VAV3: variants seen among roughly 807,000 people sequenced by gnomAD.
The protein encoded by VAV3 is guanine nucleotide exchange factor VAV3.
Under a neutral mutation model 131.2 loss-of-function variants are expected in VAV3, and 94 were observed. That is an observed-to-expected ratio of 0.72 (90% confidence interval 0.61 to 0.85). VAV3 has a LOEUF of 0.85. Among genes scored for constraint, VAV3 ranks in the 40% least tolerant of loss-of-function variants. The pLI, the probability that VAV3 is intolerant of heterozygous loss-of-function variation, is 0.00. For synonymous variants in VAV3, 349 were observed against 342.0 expected (o/e 1.02, Z -0.22); for missense variants, 939 against 1,002.7 (o/e 0.94, Z 0.86).
chr1:107,682,567 A>C (rs1276995794), intron 19 of VAV3, among the ~76,000 whole-genome samples: 2 of 152,138 alleles, frequency 1.3e-5, no homozygotes, highest in South Asian at 2.1e-4. Context: ...CAAGTGAGGC[A>C]ATTTCTAGCC....
intron 19 of VAV3, among the ~76,000 whole-genome samples, chr1:107,650,815 G>GT (rs1238575258): frequency 4.0e-5 from 6 of 149,120 alleles, no homozygotes; most frequent in South Asian, 2.1e-4. Flanking sequence ...GCGGTGTTTG[G>GT]TTTTTTGTCC....
intron 15 of VAV3, among the ~76,000 whole-genome samples, chr1:107,720,224 A>C (rs985996250): frequency 3.3e-5 from 5 of 151,814 alleles, no homozygotes; most frequent in Admixed American, 6.6e-5. Context: ...AAATAAAAAT[A>C]AATAAAAAAT....
intron 15 of VAV3, among the ~76,000 whole-genome samples, chr1:107,717,856 T>A (rs1661213175): frequency 6.6e-6 from 1 of 152,328 alleles, no homozygotes; most frequent in African/African-American, 2.4e-5. Context: ...TTTCCCATTA[T>A]TATTGTGTGG....
intron 19 of VAV3, among the ~76,000 whole-genome samples, chr1:107,678,897 A>G (rs1658407902): frequency 6.6e-6 from 1 of 152,084 alleles, no homozygotes; most frequent in Non-Finnish European, 1.5e-5. Context: ...TACGTAATAA[A>G]TCTGCACAAA....
At chr1:107,767,426 G>T (rs1664796499) in intron 7 of VAV3, among the ~76,000 whole-genome samples, 1 of 152,104 alleles carries the variant, frequency 6.6e-6, no homozygotes, top group Non-Finnish European at 1.5e-5. Flanking sequence ...GAAGATGTGG[G>T]CTCTAAGTTA....
At position 107,964,901 on chromosome 1, in the gene VAV3, G is replaced by A. The variant is rs754832840; in HGVS notation, c.-32C>T. Reference sequence around the variant, plus strand: ...CGGCTCCGGGACGCGGCTGGGCCGGGGCGGGCGGCAAGGATGCGGCCGCCG... The same window carrying A: ...CGGCTCCGGGACGCGGCTGGGCCGGAGCGGGCGGCAAGGATGCGGCCGCCG... On this transcript the variant is annotated 5_prime_UTR_variant, in exon 1 of 27. Coordinates refer to ENST00000370056, the MANE Select transcript of VAV3 (RefSeq NM_006113.5). The A allele has an allele frequency of 2.1e-5, 28 of 1,346,944 alleles. No homozygotes were observed. The highest frequency in any genetic ancestry group is 2.4e-5 in the Non-Finnish European group (25 of 1,038,690). The allele number at this position is 1,346,944 out of a possible 1,614,324, so 83.4% of individuals were successfully genotyped here.
chr1:107,906,049 T>G (rs528845131), intron 1 of VAV3, among the ~76,000 whole-genome samples: 1 of 152,180 alleles, frequency 6.6e-6, no homozygotes, highest in African/African-American at 2.4e-5. Flanking sequence ...AAAAGAAAAA[T>G]CTCCTAAATT....
rs908456348 is a variant in VAV3, at chr1:107,888,190, T to C, written c.205-13173A>G. Among the ~76,000 whole-genome samples the C allele has an allele frequency of 4.6e-5, 7 of 152,194 alleles. 1 individual carries two copies. The highest frequency in any genetic ancestry group is 1.4e-4 in the African/African-American group (6 of 41,452). The stretch of plus-strand genomic sequence containing the variant: ...ACCCCACACTGTGATATCTTCTTTA[T>C]TGAAAGAGGTAATCTGTAGTGCAAC... On this transcript the variant is annotated intron_variant, in intron 1 of 26. Transcript: ENST00000370056.
intron 2 of VAV3, among the ~76,000 whole-genome samples, chr1:107,845,060 G>A (rs768899051): frequency 1.6e-4 from 24 of 152,268 alleles, no homozygotes; most frequent in African/African-American, 2.6e-4. Flanking sequence ...GGAGAGCTCC[G>A]GCTGGCATCT....
intron 1 of VAV3, among the ~76,000 whole-genome samples, chr1:107,940,952 G>A (rs888757915): frequency 6.6e-6 from 1 of 151,484 alleles, no homozygotes; most frequent in African/African-American, 2.4e-5. Flanking sequence ...CTTCAACATG[G>A]TTAAAATGGT....
chr1:107,754,228 AT>A (rs1663959058), intron 12 of VAV3, among the ~76,000 whole-genome samples: 1 of 152,218 alleles, frequency 6.6e-6, no homozygotes, highest in Non-Finnish European at 1.5e-5. Flanking sequence ...CAACAAAAAA[AT>A]CTTGACAAAT....
At chr1:107,885,929 A>T (rs759492684) in intron 1 of VAV3, among the ~76,000 whole-genome samples, 8 of 152,186 alleles carry the variant, frequency 5.3e-5, no homozygotes, top group Non-Finnish European at 1.2e-4. Context: ...GAAACACATG[A>T]ACAGGACATG....
At position 107,715,353 on chromosome 1, in the gene VAV3, A is replaced by G. The variant is rs182195652; in HGVS notation, c.1503-10292T>C. Among the ~76,000 whole-genome samples, 28 of 152,346 alleles carry G rather than the reference A, an allele frequency of 1.8e-4. 1 individual carries two copies. The East Asian group carries it at 4.8e-3, about 26-fold the overall frequency. Reference sequence around the variant, plus strand: ...TACTTCTATTACTGTTATTGCTATCATAAGTGACAAACATTTAGTGGAAAG... The same window carrying G: ...TACTTCTATTACTGTTATTGCTATCGTAAGTGACAAACATTTAGTGGAAAG... On this transcript the variant is annotated intron_variant, in intron 15 of 26. Transcript: ENST00000370056.
chr1:107,630,348 A>AGGATGGATGGATGGATGGATGGATGGAT (rs112495050), intron 20 of VAV3, among the ~76,000 whole-genome samples: 27 of 150,794 alleles, frequency 1.8e-4, no homozygotes, highest in African/African-American at 2.4e-4. Flanking sequence ...AATGGATGGG[A>AGGATGGATGGATGGATGGATGGATGGAT]GGATGGATGG....
Position 107,848,824 on chromosome 1 carries a change from T to A in VAV3, c.321+26077A>T, listed in dbSNP as rs538880419. Among the ~76,000 whole-genome samples the A allele has an allele frequency of 9.9e-5, 15 of 152,230 alleles. No homozygotes were observed. The South Asian group carries it at 2.7e-3, about 27-fold the overall frequency. The stretch of plus-strand genomic sequence containing the variant: ...TGATATGATCGTATATTTAGAAAAT[T>A]CCATCGTCTCAGTCCAAAATCTCCT... On this transcript the variant is annotated intron_variant, in intron 2 of 26. Coordinates refer to ENST00000370056, the MANE Select transcript of VAV3 (RefSeq NM_006113.5).
rs61530288 is a variant in VAV3 at position 107,801,364 on chromosome 1, A to G, written c.322-21872T>C. Among the ~76,000 whole-genome samples the G allele has an allele frequency of 4.0e-4, 61 of 152,278 alleles. 1 individual carries two copies. The East Asian group carries it at 9.6e-3, about 24-fold the overall frequency. ...TGTGAAGAATATCACTGATATTTTG[A>G]TAAGGACTGCATTGAATCTATAGAT... On this transcript the variant is annotated intron_variant, in intron 2 of 26. Transcript: ENST00000370056.
intron 1 of VAV3, among the ~76,000 whole-genome samples, chr1:107,878,573 A>G (rs1008489440): frequency 6.6e-6 from 1 of 152,128 alleles, no homozygotes; most frequent in African/African-American, 2.4e-5. Flanking sequence ...TTTCACTTGT[A>G]TTTCCTGTGA....
chr1:107,701,049 CA>C (rs1230792934), intron 17 of VAV3, among the ~76,000 whole-genome samples: 2 of 135,280 alleles, frequency 1.5e-5, no homozygotes, highest in Non-Finnish European at 3.3e-5. Context: ...CTCTAATGAT[CA>C]GTCATGTTGA....
intron 2 of VAV3, among the ~76,000 whole-genome samples, chr1:107,831,802 GT>G (rs1668259800): frequency 6.6e-6 from 1 of 152,130 alleles, no homozygotes; most frequent in Non-Finnish European, 1.5e-5. Flanking sequence ...CTTTACATTC[GT>G]TTTAGACATA....
Sources: gnomAD v4.1 joint callset for allele counts (sites outside exome capture counted in the v4.1 genomes callset) on GRCh38, gnomAD v4.1.1 for gene constraint, MANE v1.5 for transcripts, NCBI Gene and HGNC (gene_info 2026-07-23, HGNC 2026-07-21) for gene names.